The following SH3PXD2A variants were observed in gnomAD, a reference collection of about 807,000 sequenced individuals.
SH3PXD2A encodes the protein SH3 and PX domain-containing protein 2A.
In SH3PXD2A, 32 loss-of-function variants were observed where a neutral mutation model predicts 115.2. The ratio of observed to expected loss-of-function variants is 0.28; its 90% confidence interval spans 0.21 to 0.37. The LOEUF (loss-of-function observed/expected upper bound fraction) is 0.37, where lower values mean the gene tolerates loss of function less well. Among genes scored for constraint, SH3PXD2A ranks in the 10% least tolerant of loss-of-function variants. SH3PXD2A has a pLI of 1.00. For missense variants in SH3PXD2A, 1,328 were observed against 1,498.7 expected (o/e 0.89, Z 1.88); for synonymous variants, 610 against 629.1 (o/e 0.97, Z 0.45).
chr10:103,770,972 TAAG>T (rs568137826), intron 2 of SH3PXD2A, among the ~76,000 whole-genome samples: 172 of 152,350 alleles, frequency 1.1e-3, no homozygotes, highest in Admixed American at 4.3e-3. Flanking sequence ...ATCTTTTCCA[TAAG>T]AAGAATGAGA....
At chr10:103,805,330 A>G (rs906143200) in intron 1 of SH3PXD2A, among the ~76,000 whole-genome samples, 2 of 152,174 alleles carry the variant, frequency 1.3e-5, no homozygotes, top group Non-Finnish European at 2.9e-5. Flanking sequence ...AGTTAGCCAC[A>G]TGTGGGTGCA....
intron 4 of SH3PXD2A, among the ~76,000 whole-genome samples, chr10:103,731,592 G>A (rs1193444810): frequency 1.3e-5 from 2 of 152,202 alleles, no homozygotes; most frequent in East Asian, 3.9e-4. Flanking sequence ...CAGAGAACCA[G>A]GCCACTCAGG....
chr10:103,822,517 C>G (rs993840514), intron 1 of SH3PXD2A, among the ~76,000 whole-genome samples: 1 of 152,242 alleles, frequency 6.6e-6, no homozygotes, highest in Non-Finnish European at 1.5e-5. Context: ...AAGCTCTGCC[C>G]TGATGCAGCA....
intron 8 of SH3PXD2A, among the ~76,000 whole-genome samples, chr10:103,657,600 G>T (rs999295934): frequency 6.6e-6 from 1 of 152,186 alleles, no homozygotes; most frequent in Non-Finnish European, 1.5e-5. Context: ...TCCTCTTCTG[G>T]TCTGGCCCTA....
At chr10:103,782,687 C>T (rs1351533986) in intron 2 of SH3PXD2A, among the ~76,000 whole-genome samples, 1 of 151,794 alleles carries the variant, frequency 6.6e-6, no homozygotes, top group Non-Finnish European at 1.5e-5. Flanking sequence ...TGGGGAATGA[C>T]ATAGTAAACA....
chr10:103,782,623 C>A (rs2038941612), intron 2 of SH3PXD2A, among the ~76,000 whole-genome samples: 1 of 151,902 alleles, frequency 6.6e-6, no homozygotes, highest in African/African-American at 2.4e-5. Flanking sequence ...AGCTATGGAG[C>A]AGGCAAGATC....
chr10:103,840,803 C>T (rs951869306), intron 1 of SH3PXD2A, among the ~76,000 whole-genome samples: 5 of 151,716 alleles, frequency 3.3e-5, no homozygotes, highest in African/African-American at 1.2e-4. Flanking sequence ...TGCTTAGTGG[C>T]GGGCACATCG....
intron 13 of SH3PXD2A, among the ~76,000 whole-genome samples, chr10:103,607,233 G>A (rs2036329030): frequency 6.6e-6 from 1 of 151,280 alleles, no homozygotes; most frequent in Middle Eastern, 3.4e-3. Context: ...CGCCCCGTCT[G>A]GGAAGTGAGG....
chr10:103,785,781 C>G (rs1418084666), intron 2 of SH3PXD2A, among the ~76,000 whole-genome samples: 1 of 151,950 alleles, frequency 6.6e-6, no homozygotes, highest in Non-Finnish European at 1.5e-5. Flanking sequence ...CCCATGCAGA[C>G]CAGAGCAGGC....
At chr10:103,759,146 T>G (rs947524857) in intron 3 of SH3PXD2A, among the ~76,000 whole-genome samples, 1 of 152,140 alleles carries the variant, frequency 6.6e-6, no homozygotes, top group Non-Finnish European at 1.5e-5. Flanking sequence ...TGCACAGGGC[T>G]CTGGGGGCTG....
intron 11 of SH3PXD2A, among the ~76,000 whole-genome samples, chr10:103,615,483 G>GGTGGGTGTGT (rs2036498902): frequency 7.8e-6 from 1 of 128,524 alleles, no homozygotes; most frequent in Non-Finnish European, 1.6e-5. Context: ...AGAGTGCGAG[G>GGTGGGTGTGT]GTGTGTGTGT....
chr10:103,715,285 CA>C (rs2038092388), intron 5 of SH3PXD2A, among the ~76,000 whole-genome samples: 1 of 152,238 alleles, frequency 6.6e-6, no homozygotes, highest in Non-Finnish European at 1.5e-5. Flanking sequence ...GATGGGGAAA[CA>C]GACTGGAAGA....
chr10:103,696,061 G>A (rs1223874793), intron 5 of SH3PXD2A, among the ~76,000 whole-genome samples: 1 of 152,242 alleles, frequency 6.6e-6, no homozygotes, highest in African/African-American at 2.4e-5. Context: ...TCCTGGAGTA[G>A]TGGATGCAGG....
intron 1 of SH3PXD2A, among the ~76,000 whole-genome samples, chr10:103,847,827 T>C (rs1842861326): frequency 6.6e-6 from 1 of 152,016 alleles, no homozygotes; most frequent in Non-Finnish European, 1.5e-5. Context: ...TAATCCCAGC[T>C]ACTTGGGAGG....
At chr10:103,841,397 C>T (rs2039596759) in intron 1 of SH3PXD2A, among the ~76,000 whole-genome samples, 1 of 152,120 alleles carries the variant, frequency 6.6e-6, no homozygotes, top group Admixed American at 6.5e-5. Context: ...GTGTACCCTG[C>T]CTTTGGGGCC....
intron 2 of SH3PXD2A, among the ~76,000 whole-genome samples, chr10:103,777,592 G>A (rs1221718746): frequency 3.3e-5 from 5 of 152,320 alleles, no homozygotes; most frequent in East Asian, 1.9e-4. Flanking sequence ...AAGATGTGCT[G>A]GAGGATGCAA....
At position 103,599,874 on chromosome 10, in the gene SH3PXD2A, C is replaced by T. The variant is rs1470366853; in HGVS notation, c.*1942G>A. 5 of 152,554 alleles carry T rather than the reference C, an allele frequency of 3.3e-5. No homozygotes were observed. Among genetic ancestry groups the T allele is most frequent in the Non-Finnish European group, 7.3e-5 (5 of 68,034 alleles). The allele number at this position is 152,554 out of a possible 1,614,324, so 9.5% of individuals were successfully genotyped here. A position where few individuals can be genotyped will look rare whatever the true frequency, so the allele number is the denominator to read the frequency against. On this transcript the variant is annotated 3_prime_UTR_variant, in exon 15 of 15. Transcript: ENST00000369774. ...ACTCACAAAACAAAAGGAAACAAAACAATCTCACCACAGGCCTTCGACAAA... is the reference window on the plus strand; with the variant it reads ...ACTCACAAAACAAAAGGAAACAAAATAATCTCACCACAGGCCTTCGACAAA...
intron 3 of SH3PXD2A, among the ~76,000 whole-genome samples, chr10:103,757,663 G>A (rs753119679): frequency 2.6e-5 from 4 of 152,134 alleles, no homozygotes; most frequent in Non-Finnish European, 5.9e-5. Context: ...GCTGACCCCT[G>A]CAAAGCTTGT....
intron 8 of SH3PXD2A, among the ~76,000 whole-genome samples, chr10:103,646,962 C>T (rs1239884590): frequency 6.6e-6 from 1 of 150,936 alleles, no homozygotes; most frequent in Non-Finnish European, 1.5e-5. Flanking sequence ...TGCCACACTG[C>T]CATCTCCCAG....
Sources: allele counts gnomAD v4.1 joint callset (sites outside exome capture counted in the v4.1 genomes callset), GRCh38; gene constraint gnomAD v4.1.1; transcripts MANE v1.5; gene names NCBI Gene and HGNC (gene_info 2026-07-23, HGNC 2026-07-21).